The following LRRIQ1 variants were observed in gnomAD, a reference collection of about 807,000 sequenced individuals.
The protein encoded by LRRIQ1 is leucine-rich repeat- and IQ domain-containing protein 1.
LRRIQ1 carries 210 observed loss-of-function variants against 211.9 expected under a neutral mutation model. The observed-to-expected ratio is 0.99, with a 90% confidence interval of 0.89 to 1.11. The LOEUF (loss-of-function observed/expected upper bound fraction) is 1.11, where lower values mean the gene tolerates loss of function less well. LRRIQ1 is among the 50% of genes most tolerant of loss of function. LRRIQ1 has a pLI of 0.00. For missense variants in LRRIQ1, 2,136 were observed against 1,939.5 expected (o/e 1.10, Z -1.90); for synonymous variants, 699 against 650.1 (o/e 1.08, Z -1.14).
intron 8 of LRRIQ1, among the ~76,000 whole-genome samples, chr12:85,058,774 T>G (rs1881434918): frequency 2.0e-5 from 3 of 152,166 alleles, no homozygotes; most frequent in Middle Eastern, 6.8e-3. Context: ...GGATTCTGAT[T>G]CAATAGGTCT....
At chr12:85,217,506 ATATG>A (rs1158830374) in intron 24 of LRRIQ1, among the ~76,000 whole-genome samples, 69 of 69,844 alleles carry the variant, frequency 9.9e-4, no homozygotes, top group Admixed American at 2.4e-3. Flanking sequence ...ATATATATAT[ATATG>A]TGTGTGTGTG....
intron 1 of LRRIQ1, among the ~76,000 whole-genome samples, chr12:85,262,716 C>G (rs998182435): frequency 1.3e-5 from 2 of 151,960 alleles, no homozygotes; most frequent in African/African-American, 4.8e-5. Flanking sequence ...TCTATTTAAC[C>G]TAAACACATT....
At position 85,046,028 on chromosome 12, in the gene LRRIQ1, T is replaced by C. The variant is rs202034616; in HGVS notation, c.345T>C (p.Ser115=). 1 of 1,595,650 alleles carries C rather than the reference T, an allele frequency of 6.3e-7. No individual in the cohort carries two copies. Among genetic ancestry groups the C allele is most frequent in the Non-Finnish European group, 8.6e-7 (1 of 1,164,514 alleles). The change falls in exon 5 of 27, where the codon TCT becomes TCC. Residue 115 remains serine (S), a synonymous_variant. Transcript: ENST00000393217. The part of the protein sequence containing the change: ...ESSEQLIKIL[S]EIEKEEFMRS... ...CTCATTTAACCTCTTAGATATTATCTGAAATAGAAAAAGAAGAATTTATGA... is the reference window on the plus strand; with the variant it reads ...CTCATTTAACCTCTTAGATATTATCCGAAATAGAAAAAGAAGAATTTATGA...
At chr12:85,198,758 C>T (rs1339270375) in intron 24 of LRRIQ1, among the ~76,000 whole-genome samples, 2 of 152,102 alleles carry the variant, frequency 1.3e-5, no homozygotes, top group African/African-American at 2.4e-5. Context: ...TTAGTAGAGA[C>T]GGGGTTCCAC....
At chr12:85,060,989 A>G (rs922851675) in intron 8 of LRRIQ1, among the ~76,000 whole-genome samples, 3 of 151,986 alleles carry the variant, frequency 2.0e-5, no homozygotes, top group African/African-American at 7.2e-5. Context: ...CATAGCTTCT[A>G]TAGGTGGAAT....
At chr12:85,038,929 T>A (rs890244929) in intron 2 of LRRIQ1, among the ~76,000 whole-genome samples, 1 of 151,340 alleles carries the variant, frequency 6.6e-6, no homozygotes, top group East Asian at 1.9e-4. Flanking sequence ...GTTGTATATT[T>A]GTAAATATTG....
intron 11 of LRRIQ1, among the ~76,000 whole-genome samples, chr12:85,086,840 C>G (rs1884875281): frequency 6.6e-6 from 1 of 152,030 alleles, no homozygotes; most frequent in Admixed American, 6.6e-5. Flanking sequence ...AATCTCTCCT[C>G]CTCCTGGCTT....
At chr12:85,058,656 CGTTT>C (rs1316610539) in intron 8 of LRRIQ1, among the ~76,000 whole-genome samples, 3 of 151,954 alleles carry the variant, frequency 2.0e-5, no homozygotes, top group Non-Finnish European at 4.4e-5. Flanking sequence ...TTCTTTCGAA[CGTTT>C]GTCAATTTAC....
intron 8 of LRRIQ1, among the ~76,000 whole-genome samples, chr12:85,062,833 TC>T (rs1881997716): frequency 1.3e-5 from 2 of 151,962 alleles, no homozygotes; most frequent in South Asian, 2.1e-4. Flanking sequence ...GAACAGGTGT[TC>T]CCTTTTCTCT....
chr12:85,182,743 A>C (rs1217306054), intron 24 of LRRIQ1, among the ~76,000 whole-genome samples: 2 of 152,162 alleles, frequency 1.3e-5, no homozygotes, highest in Non-Finnish European at 2.9e-5. Flanking sequence ...AGTACATCCA[A>C]AAAAGAGCCA....
At chr12:85,236,821 G>GTGCATA (rs1487368004) in intron 26 of LRRIQ1, among the ~76,000 whole-genome samples, 1 of 87,638 alleles carries the variant, frequency 1.1e-5, no homozygotes, top group Non-Finnish European at 2.0e-5. Flanking sequence ...ATATGTATGT[G>GTGCATA]TATGTGTGCA....
chr12:85,173,859 A>G (rs1891548900), intron 24 of LRRIQ1, among the ~76,000 whole-genome samples: 1 of 152,112 alleles, frequency 6.6e-6, no homozygotes, highest in Non-Finnish European at 1.5e-5. Flanking sequence ...CCATAGCACC[A>G]TGCCTTTAAT....
chr12:85,155,638 A>T (rs1234746264), intron 23 of LRRIQ1, among the ~76,000 whole-genome samples: 6 of 151,702 alleles, frequency 4.0e-5, no homozygotes, highest in Admixed American at 1.3e-4. Flanking sequence ...CCAATATTCA[A>T]CAAATAATTA....
chr12:85,097,252 G>T (rs960002533), intron 11 of LRRIQ1, among the ~76,000 whole-genome samples: 1 of 152,086 alleles, frequency 6.6e-6, no homozygotes, highest in South Asian at 2.1e-4. Flanking sequence ...AAGTATGACC[G>T]GGAGGCCCCA....
intron 14 of LRRIQ1, among the ~76,000 whole-genome samples, chr12:85,104,840 T>A (rs77806375): frequency 2.6e-3 from 391 of 152,118 alleles, no homozygotes; most frequent in African/African-American, 8.9e-3. Context: ...AGAGTAGGTG[T>A]AACTCTAAAA....
At chr12:85,240,343 C>T (rs1356322521) in intron 26 of LRRIQ1, among the ~76,000 whole-genome samples, 1 of 152,088 alleles carries the variant, frequency 6.6e-6, no homozygotes, top group Non-Finnish European at 1.5e-5. Context: ...AACTGTATCT[C>T]TCATGCATTG....
rs572985768 is a variant in LRRIQ1 at position 85,198,728 on chromosome 12, C to T, written c.4823-30789C>T. On this transcript the variant is annotated intron_variant, in intron 24 of 26. Transcript: ENST00000393217. ...GACTACAGGCGCCTGCCTCCATGCT[C>T]GGCTAATTTTTTTGTATTTTTAGTA... 1.4e-4 allele frequency among the ~76,000 whole-genome samples: 21 copies of T among 152,100 alleles called. No individual in the cohort carries two copies. The East Asian group carries it at 3.7e-3, about 27-fold the overall frequency.
At chr12:85,104,203 C>T (rs1886608849) in intron 14 of LRRIQ1, 126 bp downstream of exon 14, 1 of 426,690 alleles carries the variant, frequency 2.3e-6, no homozygotes, top group Admixed American at 4.4e-5. Context: ...TAAAATAAAG[C>T]ATGCTGAAAT....
At position 85,056,718 on chromosome 12, in the gene LRRIQ1, T is replaced by C; in HGVS notation, c.1925T>C (p.Ile642Thr). 6.2e-7 allele frequency: 1 copy of C among 1,607,526 alleles called. No homozygotes were observed. Among genetic ancestry groups the C allele is most frequent in the East Asian group, 2.2e-5 (1 of 44,808 alleles). The change falls in exon 8 of 27, where the codon ATT becomes ACT. Residue 642 changes from isoleucine (I) to threonine (T), a missense_variant. Transcript: ENST00000393217. Reference sequence around the variant, plus strand: ...GAAATTTATTCAAAATCCAAAGAAATTGAGGAGAACCCAAAAGACAATGCT... The same window carrying C: ...GAAATTTATTCAAAATCCAAAGAAACTGAGGAGAACCCAAAAGACAATGCT... ...EKEIYSKSKE[I>T]EENPKDNAWN...
Sources: allele counts gnomAD v4.1 joint callset (sites outside exome capture counted in the v4.1 genomes callset), GRCh38; gene constraint gnomAD v4.1.1; transcripts MANE v1.5; gene names NCBI Gene and HGNC (gene_info 2026-07-23, HGNC 2026-07-21).